The following NCKAP5 variants were observed in gnomAD, a reference collection of about 807,000 sequenced individuals.
NCKAP5 encodes the protein NCK associated protein 5.
A neutral mutation model predicts 167.0 loss-of-function variants in NCKAP5; 92 were observed. That is an observed-to-expected ratio of 0.55 (90% CI 0.47 to 0.66). The LOEUF (loss-of-function observed/expected upper bound fraction) is 0.66, where lower values mean the gene tolerates loss of function less well. NCKAP5 is among the 30% of genes least tolerant of loss of function. The pLI, the probability that NCKAP5 is intolerant of heterozygous loss-of-function variation, is 0.00. For synonymous variants in NCKAP5, 891 were observed against 877.4 expected, an observed-to-expected ratio of 1.02 and a Z score of -0.27; for missense variants, 2,378 against 2,315.0, an observed-to-expected ratio of 1.03 and a Z score of -0.56.
intron 16 of NCKAP5, among the ~76,000 whole-genome samples, chr2:132,771,672 C>T (rs968703506): frequency 6.9e-6 from 1 of 144,882 alleles, no homozygotes; most frequent in Non-Finnish European, 1.5e-5. Context: ...ATCTTTGATG[C>T]TAATTGTTTT....
At chr2:133,083,358 A>C (rs1442905757) in intron 6 of NCKAP5, among the ~76,000 whole-genome samples, 2 of 152,142 alleles carry the variant, frequency 1.3e-5, no homozygotes, top group African/African-American at 4.8e-5. Context: ...GCAATGGCCT[A>C]TCTGGTCTAT....
chr2:132,688,781 T>A (rs548904163), intron 19 of NCKAP5, among the ~76,000 whole-genome samples: 1 of 151,692 alleles, frequency 6.6e-6, no homozygotes, highest in South Asian at 2.1e-4. Context: ...AGACCAGGAG[T>A]TCGAGATCAC....
intron 2 of NCKAP5, among the ~76,000 whole-genome samples, chr2:133,526,342 A>T (rs1684925383): frequency 6.7e-6 from 1 of 148,360 alleles, no homozygotes; most frequent in Admixed American, 6.8e-5. Context: ...GGAGGGAGGG[A>T]ATACATGTCC....
At chr2:132,963,317 C>CTG (rs145607139) in intron 8 of NCKAP5, among the ~76,000 whole-genome samples, 7 of 152,000 alleles carry the variant, frequency 4.6e-5, no homozygotes, top group Non-Finnish European at 8.8e-5. Flanking sequence ...TATAAAATCT[C>CTG]TGTGTGTGTG....
chr2:132,731,216 G>A (rs559336619), intron 17 of NCKAP5, among the ~76,000 whole-genome samples: 4 of 152,286 alleles, frequency 2.6e-5, no homozygotes, highest in Admixed American at 6.5e-5. Context: ...TGACTGCCAC[G>A]AAGGATAGTA....
intron 3 of NCKAP5, among the ~76,000 whole-genome samples, chr2:133,488,378 C>G (rs1191384906): frequency 6.6e-6 from 1 of 152,174 alleles, no homozygotes; most frequent in Non-Finnish European, 1.5e-5. Context: ...CAGACATTGA[C>G]TAGAGCTCTA....
intron 3 of NCKAP5, among the ~76,000 whole-genome samples, chr2:133,406,715 G>T (rs1275150006): frequency 6.6e-6 from 1 of 152,172 alleles, no homozygotes; most frequent in Non-Finnish European, 1.5e-5. Context: ...TAGGAATGCA[G>T]GTATAGCTTT....
chr2:132,809,521 C>T (rs1012420575), intron 11 of NCKAP5, among the ~76,000 whole-genome samples: 1 of 116,548 alleles, frequency 8.6e-6, no homozygotes, highest in Non-Finnish European at 1.6e-5. Context: ...TATATAATGT[C>T]TCTCTTTGTC....
chr2:132,847,170 C>A (rs1185177005), intron 11 of NCKAP5, among the ~76,000 whole-genome samples: 1 of 151,872 alleles, frequency 6.6e-6, no homozygotes, highest in Non-Finnish European at 1.5e-5. Context: ...AAAGTAAACC[C>A]CAAAAGTGCA....
chr2:133,603,205 G>A, the NCKAP5 span, among the ~76,000 whole-genome samples: 2 of 147,856 alleles, frequency 1.4e-5, no homozygotes, highest in African/African-American at 2.5e-5. Flanking sequence ...TGATGGCATC[G>A]GTTTTTTTTT....
chr2:133,321,237 C>T (rs978618403), intron 3 of NCKAP5, among the ~76,000 whole-genome samples: 2 of 152,168 alleles, frequency 1.3e-5, no homozygotes, highest in African/African-American at 4.8e-5. Flanking sequence ...CCACCCCCAT[C>T]CCACCCTCAC....
chr2:133,109,170 C>T lies in NCKAP5; in HGVS notation c.341+20808G>A, dbSNP rs538866957. Among the ~76,000 whole-genome samples the T allele has an allele frequency of 7.2e-5, 11 of 152,258 alleles. No homozygotes were observed. The East Asian group carries it at 1.7e-3, about 24-fold the overall frequency. On this transcript the variant is annotated intron_variant, in intron 6 of 19. Coordinates refer to ENST00000409261, the MANE Select transcript of NCKAP5 (RefSeq NM_207363.3). ...TATACAACAATATAAGCTTCCTGAGCATCTTGGGATAAACGTGCTTTATAG... is the reference window on the plus strand; with the variant it reads ...TATACAACAATATAAGCTTCCTGAGTATCTTGGGATAAACGTGCTTTATAG...
At chr2:133,383,404 T>C (rs577350287) in intron 3 of NCKAP5, among the ~76,000 whole-genome samples, 2 of 152,364 alleles carry the variant, frequency 1.3e-5, no homozygotes, top group East Asian at 3.9e-4. Context: ...CTCATCCTTT[T>C]TATGACTGCA....
rs888556924 is a variant in NCKAP5 at position 133,562,148 on chromosome 2, GA to G, written c.-129-3032del. ...GGAATATTACATAAAAACAGCTGAA[GA>G]AAAAAAAAACTCAGAAATGGGGTAG... On this transcript the variant is annotated intron_variant, in intron 1 of 19. Coordinates refer to ENST00000409261, the MANE Select transcript of NCKAP5 (RefSeq NM_207363.3). Among the ~76,000 whole-genome samples the G allele has an allele frequency of 2.4e-3, 343 of 145,164 alleles. 1 individual carries two copies. The highest frequency in any genetic ancestry group is 7.7e-3 in the African/African-American group (306 of 39,574).
At chr2:133,647,419 G>GGAAGGA in the NCKAP5 span, among the ~76,000 whole-genome samples, 12 of 94,916 alleles carry the variant, frequency 1.3e-4, no homozygotes, top group Non-Finnish European at 2.0e-4. Context: ...AAGGAAGGAA[G>GGAAGGA]AGAAAGAAAG....
At chr2:132,822,371 C>T (rs1439352053) in intron 11 of NCKAP5, among the ~76,000 whole-genome samples, 12 of 152,178 alleles carry the variant, frequency 7.9e-5, no homozygotes, top group South Asian at 2.1e-4. Flanking sequence ...GAAGATGGAC[C>T]GCATCACAGG....
At chr2:133,196,641 C>A (rs533455460) in intron 5 of NCKAP5, among the ~76,000 whole-genome samples, 1 of 152,264 alleles carries the variant, frequency 6.6e-6, no homozygotes, top group African/African-American at 2.4e-5. Flanking sequence ...TTCCGCTGAA[C>A]CAGCAGTGAG....
At chr2:132,736,654 G>T (rs749049465) in intron 16 of NCKAP5, among the ~76,000 whole-genome samples, 1 of 151,956 alleles carries the variant, frequency 6.6e-6, no homozygotes, top group Non-Finnish European at 1.5e-5. Flanking sequence ...GGGCATGGTG[G>T]CATGCACCTG....
intron 3 of NCKAP5, among the ~76,000 whole-genome samples, chr2:133,344,153 A>G (rs1381436667): frequency 6.6e-6 from 1 of 152,162 alleles, no homozygotes; most frequent in African/African-American, 2.4e-5. Flanking sequence ...CATGCCTGTA[A>G]TCCCAGCACT....
Sources: gnomAD v4.1 joint callset for allele counts (sites outside exome capture counted in the v4.1 genomes callset) on GRCh38, gnomAD v4.1.1 for gene constraint, MANE v1.5 for transcripts, NCBI Gene and HGNC (gene_info 2026-07-23, HGNC 2026-07-21) for gene names.